Variants in CPEB3 observed in about 807,000 individuals in gnomAD.
The protein encoded by CPEB3 is cytoplasmic polyadenylation element binding protein 3, also known as cytoplasmic polyadenylation element-binding protein 3.
Under a neutral mutation model 67.2 loss-of-function variants are expected in CPEB3, and 20 were observed. The observed-to-expected ratio is 0.30, with a 90% confidence interval of 0.21 to 0.43. The LOEUF is 0.43. Among genes scored for constraint, CPEB3 ranks in the 20% least tolerant of loss-of-function variants. The pLI, the probability that CPEB3 is intolerant of heterozygous loss-of-function variation, is 1.00. For missense variants in CPEB3, 746 were observed against 968.6 expected, an observed-to-expected ratio of 0.77 and a Z score of 3.05; for synonymous variants, 376 against 393.1, an observed-to-expected ratio of 0.96 and a Z score of 0.51.
chr10:92,139,043 C>T (rs1193460356), intron 6 of CPEB3, among the ~76,000 whole-genome samples: 5 of 152,064 alleles, frequency 3.3e-5, no homozygotes, highest in South Asian at 2.1e-4. Context: ...TCTGGGAGGC[C>T]GAGGCAGGTG....
chr10:92,215,535 G>C (rs1414228331), intron 2 of CPEB3, among the ~76,000 whole-genome samples: 1 of 145,080 alleles, frequency 6.9e-6, no homozygotes, highest in East Asian at 2.0e-4. Context: ...TCCACCTCCC[G>C]GGTTCAAGCG....
chr10:92,135,372 A>G (rs1285388768), intron 6 of CPEB3, among the ~76,000 whole-genome samples: 3 of 152,240 alleles, frequency 2.0e-5, no homozygotes, highest in African/African-American at 7.2e-5. Context: ...GCACTTCTCA[A>G]AAGAAGACAT....
intron 1 of CPEB3, among the ~76,000 whole-genome samples, chr10:92,257,408 C>T (rs1852563784): frequency 6.6e-6 from 1 of 152,188 alleles, no homozygotes; most frequent in Admixed American, 6.5e-5. Flanking sequence ...GATCCTCCTG[C>T]CTCAGTCCCC....
chr10:92,060,695 T>C (rs1403324276), intron 9 of CPEB3, among the ~76,000 whole-genome samples: 1 of 152,250 alleles, frequency 6.6e-6, no homozygotes, highest in South Asian at 2.1e-4. Context: ...CAATCAGATA[T>C]GGGCAAAAGA....
chr10:92,244,466 C>A (rs949563925), intron 1 of CPEB3, among the ~76,000 whole-genome samples: 6 of 150,350 alleles, frequency 4.0e-5, no homozygotes, highest in African/African-American at 1.5e-4. Context: ...GAGATGGAGT[C>A]TCTCTCTGTT....
chr10:92,104,620 C>G (rs1844352026), intron 7 of CPEB3, among the ~76,000 whole-genome samples: 1 of 151,914 alleles, frequency 6.6e-6, no homozygotes. Context: ...ATCTCCTGAC[C>G]TCATAATCCG....
chr10:92,258,939 C>T lies in CPEB3; in HGVS notation c.-11-18578G>A, dbSNP rs186809893. 6.4e-4 allele frequency among the ~76,000 whole-genome samples: 95 copies of T among 148,948 alleles called. 1 individual carries two copies. In the East Asian group the frequency reaches 0.017, roughly 27 times the overall value. On this transcript the variant is annotated intron_variant, in intron 1 of 9. Transcript: ENST00000265997. The stretch of plus-strand genomic sequence containing the variant: ...TCCCAAAGTGCTGGGATTACAGGCA[C>T]GAGCCACCACGCCTGGCCCTTTCTT...
At chr10:92,088,209 AT>A (rs1843456099) in intron 8 of CPEB3, among the ~76,000 whole-genome samples, 1 of 143,148 alleles carries the variant, frequency 7.0e-6, no homozygotes, top group African/African-American at 2.6e-5. Context: ...TAGGACTGTG[AT>A]TTTTTTCCAA....
At chr10:92,131,133 C>T (rs1845826078) in intron 6 of CPEB3, among the ~76,000 whole-genome samples, 1 of 152,126 alleles carries the variant, frequency 6.6e-6, no homozygotes, top group Non-Finnish European at 1.5e-5. Context: ...TTCCCTGACC[C>T]CAATCACCAA....
chr10:92,203,442 G>GTA (rs201113493), intron 2 of CPEB3, among the ~76,000 whole-genome samples: 2 of 143,064 alleles, frequency 1.4e-5, no homozygotes, highest in Non-Finnish European at 3.0e-5. Flanking sequence ...ATATGTATAT[G>GTA]TATATATATA....
chr10:92,192,324 A>T, intron 3 of CPEB3, among the ~76,000 whole-genome samples, 153 bp downstream of exon 3: 1 of 152,082 alleles, frequency 6.6e-6, no homozygotes, highest in African/African-American at 2.4e-5. Flanking sequence ...AACCCAGGTT[A>T]AAAAAAATCA....
chr10:92,216,078 T>C (rs1590412028), intron 2 of CPEB3, among the ~76,000 whole-genome samples: 1 of 142,342 alleles, frequency 7.0e-6, no homozygotes, highest in African/African-American at 2.6e-5. Flanking sequence ...AGCGAAGATA[T>C]CAGATACTCT....
intron 1 of CPEB3, among the ~76,000 whole-genome samples, chr10:92,253,228 G>A (rs757489137): frequency 3.9e-5 from 6 of 151,964 alleles, no homozygotes; most frequent in African/African-American, 1.2e-4. Flanking sequence ...TTGGGAGGCC[G>A]AGGCAGGCGG....
intron 2 of CPEB3, among the ~76,000 whole-genome samples, chr10:92,217,731 C>A (rs942209582): frequency 6.6e-6 from 1 of 152,088 alleles, no homozygotes; most frequent in African/African-American, 2.4e-5. Context: ...CATTGCACTC[C>A]AGCCTGGGCA....
At chr10:92,275,840 CTTT>C (rs982965337) in intron 1 of CPEB3, among the ~76,000 whole-genome samples, 2 of 130,710 alleles carry the variant, frequency 1.5e-5, no homozygotes, top group Non-Finnish European at 3.3e-5. Context: ...GTACTTCATT[CTTT>C]TCTTTTTTTT....
chr10:92,136,584 G>A (rs776797798), intron 6 of CPEB3, among the ~76,000 whole-genome samples: 29 of 151,910 alleles, frequency 1.9e-4, no homozygotes, highest in Non-Finnish European at 4.1e-4. Context: ...TTTCTAAGGC[G>A]GAGTCTTGCT....
chr10:92,093,194 T>G (rs1167488693), intron 7 of CPEB3, among the ~76,000 whole-genome samples: 1 of 152,200 alleles, frequency 6.6e-6, no homozygotes, highest in African/African-American at 2.4e-5. Flanking sequence ...AGAAGCGGGC[T>G]GGGTGCAGAA....
chr10:92,145,082 G>A lies in CPEB3; in HGVS notation c.1226C>T (p.Ala409Val). Residue 409 changes from alanine (A) to valine (V), a missense_variant, in exon 5 of 10, where the codon GCC becomes GTC. This residue lies in a region of CPEB3 where 643 missense variants were observed against 717.5 expected (regional missense o/e 0.90). Transcript: ENST00000265997. ...ATCACCATGGCTATCATCCAGGAAG[G>A]CATCTTCAAAGGGAAAGAGAGAAGA... ...GTDNIMALNN[A>V]FLDDSHGDQA... is the part of the protein sequence containing the mutation. 2 of 1,613,970 alleles carry A rather than the reference G, an allele frequency of 1.2e-6. No individual in the cohort carries two copies. Among genetic ancestry groups the A allele is most frequent in the Non-Finnish European group, 1.7e-6 (2 of 1,179,912 alleles).
intron 4 of CPEB3, among the ~76,000 whole-genome samples, chr10:92,160,461 T>C (rs771632373): frequency 1.6e-4 from 25 of 152,170 alleles, no homozygotes; most frequent in Non-Finnish European, 2.5e-4. Flanking sequence ...TGGATTAATA[T>C]AACACTTCAA....
Sources: allele counts gnomAD v4.1 joint callset (sites outside exome capture counted in the v4.1 genomes callset), GRCh38; gene constraint gnomAD v4.1.1; regional missense constraint gnomAD v4.1.1; transcripts MANE v1.5; gene names NCBI Gene and HGNC (gene_info 2026-07-23, HGNC 2026-07-21).